The following DIPK2B variants were observed in gnomAD, a reference collection of about 807,000 sequenced individuals.
The protein encoded by DIPK2B is UPF0672 protein CXorf36.
In DIPK2B, 15 loss-of-function variants were observed where a neutral mutation model predicts 22.2. That is an observed-to-expected ratio of 0.68 (90% confidence interval 0.45 to 1.04). The LOEUF is 1.04. DIPK2B is among the 50% of genes least tolerant of loss of function. DIPK2B has a pLI of 0.00. For missense variants in DIPK2B, 345 were observed against 348.3 expected, an observed-to-expected ratio of 0.99 and a Z score of 0.08; for synonymous variants, 163 against 153.2, an observed-to-expected ratio of 1.06 and a Z score of -0.47.
chrX:45,156,317 C>A (rs1250503080), intron 3 of DIPK2B, among the ~76,000 whole-genome samples: 2 of 111,021 alleles, frequency 1.8e-5, no homozygotes, highest in African/African-American at 6.6e-5. Context: ...AAGTCCTGGG[C>A]CTACTGTCGT....
At chrX:45,160,294 G>T (rs913097038) in intron 2 of DIPK2B, among the ~76,000 whole-genome samples, 1 of 109,642 alleles carries the variant, frequency 9.1e-6, no homozygotes, top group African/African-American at 3.3e-5. Flanking sequence ...TGCAACCTCC[G>T]GCTCCCAGGT....
chrX:45,195,474 T>C (rs1016346281), intron 1 of DIPK2B, among the ~76,000 whole-genome samples: 1 of 112,036 alleles, frequency 8.9e-6, no homozygotes, highest in Admixed American at 9.5e-5. Flanking sequence ...ATTCTTCTCA[T>C]GCTTGCATCT....
At chrX:45,163,454 C>A in intron 2 of DIPK2B, 3 of 754,179 alleles carry the variant, frequency 4.0e-6, no homozygotes, top group Non-Finnish European at 4.7e-6. Context: ...GATTTGCTTT[C>A]ATCTTGGAAG....
At position 45,155,429 on chromosome X, in the gene DIPK2B, A is replaced by ATAT. The variant is rs1250757945; in HGVS notation, c.673-1232_673-1231insATA. 4.8e-3 allele frequency among the ~76,000 whole-genome samples: 410 copies of ATAT among 84,960 alleles called. 2 individuals are homozygous for ATAT. Among genetic ancestry groups the ATAT allele is most frequent in the African/African-American group, 0.015 (362 of 24,919 alleles). The allele number at this position is 84,960 out of a possible 115,157, so 73.8% of individuals were successfully genotyped here. A position where few individuals can be genotyped will look rare whatever the true frequency, so the allele number is the denominator to read the frequency against. ...CAGAGCGTGACTCTGTCTCAAAAAA[A>ATAT]AAATATATATATATATATATATTTA... is the stretch of plus-strand genomic sequence containing the variant. On this transcript the variant is annotated intron_variant, in intron 3 of 4. Coordinates refer to ENST00000398000, the MANE Select transcript of DIPK2B (RefSeq NM_176819.4).
At chrX:45,190,869 G>A (rs982100978) in intron 2 of DIPK2B, among the ~76,000 whole-genome samples, 9 of 112,456 alleles carry the variant, frequency 8.0e-5, no homozygotes, top group African/African-American at 2.6e-4. Context: ...CTACTGTACT[G>A]TTATTACGGA....
chrX:45,163,848 G>A (rs748151816), intron 2 of DIPK2B: 50 of 817,702 alleles, frequency 6.1e-5, no homozygotes, highest in Non-Finnish European at 7.2e-5. Context: ...TATCTCATAG[G>A]GAAGACCTGT....
chrX:45,196,664 ATT>A (rs1212498238), intron 1 of DIPK2B, among the ~76,000 whole-genome samples: 1 of 110,786 alleles, frequency 9.0e-6, no homozygotes, highest in Non-Finnish European at 1.9e-5. Context: ...CCTAGGAATT[ATT>A]GTGATTAGAG....
chrX:45,177,231 T>C (rs1401118278), intron 2 of DIPK2B, among the ~76,000 whole-genome samples: 2 of 108,794 alleles, frequency 1.8e-5, no homozygotes, highest in African/African-American at 3.4e-5. Flanking sequence ...CTCTTGAGTC[T>C]AGGAGGTCGA....
intron 2 of DIPK2B, among the ~76,000 whole-genome samples, chrX:45,187,203 G>A: frequency 8.9e-6 from 1 of 111,751 alleles, no homozygotes; most frequent in Admixed American, 9.5e-5. Context: ...ACACAGTGGA[G>A]GATATGTGTT....
chrX:45,186,845 C>A (rs1029901796), intron 2 of DIPK2B, among the ~76,000 whole-genome samples: 1 of 112,150 alleles, frequency 8.9e-6, no homozygotes, highest in African/African-American at 3.3e-5. Context: ...GCCCTCCTAG[C>A]GCCTAGCACA....
At chrX:45,165,233 T>G (rs998049339) in intron 2 of DIPK2B, among the ~76,000 whole-genome samples, 1 of 111,567 alleles carries the variant, frequency 9.0e-6, no homozygotes, top group Admixed American at 9.6e-5. Flanking sequence ...CAGTTGGTAA[T>G]GGCTTCCCCA....
rs1368119905 is a variant in DIPK2B at position 45,167,891 on chromosome X, G to A, written c.499-10003C>T. On this transcript the variant is annotated intron_variant, in intron 2 of 4. Transcript: ENST00000398000. Reference sequence around the variant, plus strand: ...GTAGAGTCAGGGTTTTGCCACTTTGGCCAGGCTGGTCTTGAACTCCTGACC... The same window carrying A: ...GTAGAGTCAGGGTTTTGCCACTTTGACCAGGCTGGTCTTGAACTCCTGACC... Among the ~76,000 whole-genome samples the A allele has an allele frequency of 9.8e-5, 11 of 112,153 alleles. 1 individual carries two copies. In the Admixed American group the frequency reaches 1.0e-3, roughly 11 times the overall value.
intron 1 of DIPK2B, among the ~76,000 whole-genome samples, chrX:45,197,103 T>C (rs1300741539): frequency 8.9e-6 from 1 of 111,810 alleles, no homozygotes; most frequent in Non-Finnish European, 1.9e-5. Flanking sequence ...GTCCAGTCCT[T>C]AGTGAGGACT....
intron 2 of DIPK2B, among the ~76,000 whole-genome samples, chrX:45,180,244 C>G: frequency 9.0e-6 from 1 of 111,582 alleles, no homozygotes; most frequent in Non-Finnish European, 1.9e-5. Context: ...AAATAGATAC[C>G]TAATTATAAT....
chrX:45,189,117 C>G (rs185071078), intron 2 of DIPK2B, among the ~76,000 whole-genome samples: 3 of 112,111 alleles, frequency 2.7e-5, no homozygotes, highest in African/African-American at 9.7e-5. Context: ...CATCTTGAAC[C>G]CCTGGCCTCA....
intron 2 of DIPK2B, among the ~76,000 whole-genome samples, chrX:45,189,870 G>GA (rs1294215190): frequency 3.6e-5 from 4 of 111,746 alleles, no homozygotes; most frequent in Non-Finnish European, 7.5e-5. Flanking sequence ...ATAAGGAAGG[G>GA]AAAAATCTAT....
chrX:45,194,736 G>T (rs938821202), intron 1 of DIPK2B, among the ~76,000 whole-genome samples: 2 of 111,950 alleles, frequency 1.8e-5, no homozygotes, highest in Non-Finnish European at 3.8e-5. Flanking sequence ...AAAGAGAATT[G>T]AAAAGGATGA....
At chrX:45,192,331 T>G (rs902037487) in intron 1 of DIPK2B, among the ~76,000 whole-genome samples, 11 of 111,354 alleles carry the variant, frequency 9.9e-5, no homozygotes, top group Non-Finnish European at 1.9e-4. Flanking sequence ...TACACTGACA[T>G]TTTTGATTCC....
At chrX:45,166,866 C>T (rs1328579752) in intron 2 of DIPK2B, among the ~76,000 whole-genome samples, 1 of 112,060 alleles carries the variant, frequency 8.9e-6, no homozygotes, top group Non-Finnish European at 1.9e-5. Context: ...TGAGGGAAAT[C>T]TTGAACAAAT....
Sources: gnomAD v4.1 joint callset for allele counts (sites outside exome capture counted in the v4.1 genomes callset) on GRCh38, gnomAD v4.1.1 for gene constraint, MANE v1.5 for transcripts, NCBI Gene and HGNC (gene_info 2026-07-23, HGNC 2026-07-21) for gene names.